Variants in KATNBL1 observed in about 807,000 individuals in gnomAD.
The protein encoded by KATNBL1 is katanin regulatory subunit B1 like 1.
Under a neutral mutation model 44.7 loss-of-function variants are expected in KATNBL1, and 28 were observed. The ratio of observed to expected loss-of-function variants is 0.63; its 90% confidence interval spans 0.46 to 0.86. The LOEUF (loss-of-function observed/expected upper bound fraction) is 0.86. Ranked by LOEUF, KATNBL1 falls within the 40% of genes least tolerant of loss-of-function variation. The pLI, the probability that KATNBL1 is intolerant of heterozygous loss-of-function variation, is 0.00. For synonymous variants in KATNBL1, 78 were observed against 114.9 expected (o/e 0.68, Z 2.06); for missense variants, 272 against 350.7 (o/e 0.78, Z 1.79).
chr15:34,183,716 G>C (rs546210539), intron 1 of KATNBL1, among the ~76,000 whole-genome samples: 1 of 152,294 alleles, frequency 6.6e-6, no homozygotes, highest in South Asian at 2.1e-4. Context: ...AGAATATTTT[G>C]ATGTTCAAAG....
Position 34,210,028 on chromosome 15 carries a change from C to G in KATNBL1, c.-92G>C, listed in dbSNP as rs1890398087. 1.3e-5 allele frequency: 2 copies of G among 149,594 alleles called. No individual in the cohort carries two copies. Among genetic ancestry groups the G allele is most frequent in the African/African-American group, 4.9e-5 (2 of 40,986 alleles). 9.3% of individuals were successfully genotyped at this position (149,594 alleles called of 1,614,324 possible). ...GCGCCCGGCAGCCTAGAGAGTCCCT[C>G]GGCTTCTGGGCCGAGTCCCACTCAG... On this transcript the variant is annotated 5_prime_UTR_variant, in exon 1 of 10. Coordinates refer to ENST00000256544, the MANE Select transcript of KATNBL1 (RefSeq NM_024713.3).
intron 1 of KATNBL1, among the ~76,000 whole-genome samples, chr15:34,202,915 C>T (rs762144416): frequency 6.6e-6 from 1 of 152,162 alleles, no homozygotes; most frequent in East Asian, 1.9e-4. Context: ...TGCTTGAGCC[C>T]GGAAGGCGGA....
rs548052368 is a variant in KATNBL1 at position 34,198,714 on chromosome 15, A to G, written c.-15+11237T>C. Among the ~76,000 whole-genome samples the G allele has an allele frequency of 4.6e-4, 70 of 152,384 alleles. 1 individual carries two copies. The highest frequency in any genetic ancestry group is 1.6e-3 in the Admixed American group (24 of 15,312). On this transcript the variant is annotated intron_variant, in intron 1 of 9. Coordinates refer to ENST00000256544, the MANE Select transcript of KATNBL1 (RefSeq NM_024713.3). ...TTAATGTTAAACCAGATTCAAAGAA[A>G]GATCACACAGTTCCATAAATGTGAC...
intron 1 of KATNBL1, among the ~76,000 whole-genome samples, chr15:34,169,364 C>G (rs545404323): frequency 1.3e-5 from 2 of 152,080 alleles, no homozygotes; most frequent in Non-Finnish European, 2.9e-5. Flanking sequence ...TTCCTGGATA[C>G]GTACACCCTC....
intron 1 of KATNBL1, among the ~76,000 whole-genome samples, chr15:34,171,279 A>G (rs1889151009): frequency 6.6e-6 from 1 of 152,242 alleles, no homozygotes; most frequent in Non-Finnish European, 1.5e-5. Context: ...GGCAAAGGAT[A>G]TGAACAGACA....
chr15:34,152,233 C>T (rs1484396485), intron 4 of KATNBL1, among the ~76,000 whole-genome samples: 1 of 152,030 alleles, frequency 6.6e-6, no homozygotes, highest in East Asian at 1.9e-4. Flanking sequence ...GACGGAGTCG[C>T]TCTGTTGCCC....
intron 8 of KATNBL1, 128 bp from the exon 9 acceptor site, chr15:34,145,619 T>C (rs1888284545): frequency 1.2e-6 from 1 of 855,820 alleles, no homozygotes; most frequent in African/African-American, 1.8e-5. Flanking sequence ...ATGATGCTAT[T>C]TGAAATAAAA....
At chr15:34,184,292 C>A (rs903699492) in intron 1 of KATNBL1, among the ~76,000 whole-genome samples, 2 of 128,552 alleles carry the variant, frequency 1.6e-5, no homozygotes, top group African/African-American at 6.4e-5. Flanking sequence ...GACGACAGAG[C>A]GAGACTCTGT....
intron 1 of KATNBL1, among the ~76,000 whole-genome samples, chr15:34,173,660 G>A (rs1025605978): frequency 4.6e-5 from 7 of 152,132 alleles, no homozygotes; most frequent in African/African-American, 7.2e-5. Context: ...ACCAGAAGTA[G>A]AGGAAAACTG....
chr15:34,161,717 G>C (rs973337165), intron 2 of KATNBL1, among the ~76,000 whole-genome samples: 14 of 152,132 alleles, frequency 9.2e-5, no homozygotes, highest in African/African-American at 3.4e-4. Context: ...TGGAGTGGTG[G>C]GAGAGCAGTT....
chr15:34,142,796 C>A (rs1171973118), intron 9 of KATNBL1: 1 of 293,158 alleles, frequency 3.4e-6, no homozygotes, highest in Non-Finnish European at 6.6e-6. Context: ...TCTGCAACCT[C>A]CACCTCCAGG....
intron 1 of KATNBL1, among the ~76,000 whole-genome samples, chr15:34,195,016 CCT>C (rs1889992654): frequency 6.6e-6 from 1 of 152,144 alleles, no homozygotes; most frequent in South Asian, 2.1e-4. Context: ...ATTAGTACAA[CCT>C]CTATGGAAAA....
chr15:34,146,315 T>C (rs1020443627), intron 8 of KATNBL1: 2 of 152,874 alleles, frequency 1.3e-5, no homozygotes, highest in Non-Finnish European at 2.9e-5. Flanking sequence ...AATCTGGCTA[T>C]ACTCTGGTAG....
At chr15:34,149,993 A>G (rs984423097) in intron 4 of KATNBL1, among the ~76,000 whole-genome samples, 4 of 152,248 alleles carry the variant, frequency 2.6e-5, no homozygotes, top group Non-Finnish European at 5.9e-5. Flanking sequence ...ATATGTAAAT[A>G]TGTGCACTTG....
At chr15:34,175,018 G>A (rs1889283085) in intron 1 of KATNBL1, among the ~76,000 whole-genome samples, 2 of 152,044 alleles carry the variant, frequency 1.3e-5, no homozygotes, top group South Asian at 4.1e-4. Flanking sequence ...AGGCTGACGA[G>A]GCAGGAGGAT....
At chr15:34,182,417 T>C (rs548215007) in intron 1 of KATNBL1, among the ~76,000 whole-genome samples, 6 of 152,326 alleles carry the variant, frequency 3.9e-5, no homozygotes, top group East Asian at 3.9e-4. Context: ...TTTGACAGCA[T>C]TGTAAAGCAA....
At chr15:34,197,851 G>C (rs978048023) in intron 1 of KATNBL1, among the ~76,000 whole-genome samples, 1 of 152,132 alleles carries the variant, frequency 6.6e-6, no homozygotes, top group African/African-American at 2.4e-5. Context: ...AGGTTCAAGA[G>C]AGTCTCCTGC....
intron 1 of KATNBL1, among the ~76,000 whole-genome samples, chr15:34,167,918 T>A (rs1289199119): frequency 6.6e-6 from 1 of 152,178 alleles, no homozygotes; most frequent in Non-Finnish European, 1.5e-5. Flanking sequence ...AAGCCTGCCT[T>A]ACAAGAGCTC....
At chr15:34,152,293 C>T (rs59611916) in intron 4 of KATNBL1, among the ~76,000 whole-genome samples, 31,339 of 151,928 alleles carry the variant, frequency 0.21, 4,044 homozygotes, top group African/African-American at 0.37. Flanking sequence ...TTCTGCCTCC[C>T]GGGTTCAAGC....
Sources: allele counts gnomAD v4.1 joint callset (sites outside exome capture counted in the v4.1 genomes callset), GRCh38; gene constraint gnomAD v4.1.1; transcripts MANE v1.5; gene names NCBI Gene and HGNC (gene_info 2026-07-23, HGNC 2026-07-21).